The following IHO1 variants were observed in gnomAD, a reference collection of about 807,000 sequenced individuals.
IHO1 encodes interactor of HORMAD1 1, also known as interactor of HORMAD1 protein 1.
Under a neutral mutation model 31.0 loss-of-function variants are expected in IHO1, and 13 were observed. The ratio of observed to expected loss-of-function variants is 0.42; its 90% CI spans 0.27 to 0.67. The LOEUF (loss-of-function observed/expected upper bound fraction) is 0.67, where lower values mean the gene tolerates loss of function less well. Among genes scored for constraint, IHO1 ranks in the 30% least tolerant of loss-of-function variants. The pLI is 0.24. For synonymous variants in IHO1, 221 were observed against 248.4 expected (o/e 0.89, Z 1.04); for missense variants, 599 against 687.5 (o/e 0.87, Z 1.44).
chr3:49,229,170 T>C (rs2107710060), intron 2 of IHO1, among the ~76,000 whole-genome samples: 1 of 152,330 alleles, frequency 6.6e-6, no homozygotes, highest in Middle Eastern at 3.4e-3. Context: ...AGAGCACTGA[T>C]TGGTGCATTT....
At chr3:49,206,821 T>C in intron 1 of IHO1, among the ~76,000 whole-genome samples, 1 of 151,564 alleles carries the variant, frequency 6.6e-6, no homozygotes, top group East Asian at 2.0e-4. Context: ...TCACCTGAGG[T>C]CAGAAGTTCA....
intron 2 of IHO1, among the ~76,000 whole-genome samples, chr3:49,224,306 T>G (rs1436901790): frequency 6.6e-6 from 1 of 151,870 alleles, no homozygotes; most frequent in Non-Finnish European, 1.5e-5. Flanking sequence ...GGCAGCAATT[T>G]TGGCCTCAGC....
upstream of IHO1, among the ~76,000 whole-genome samples, chr3:49,196,868 C>T (rs1276328866): frequency 2.6e-5 from 4 of 151,670 alleles, no homozygotes; most frequent in African/African-American, 7.3e-5. Flanking sequence ...GACGGGGTTT[C>T]GCTGTGTTAG....
chr3:49,199,259 C>T (rs1303636824), upstream of IHO1, among the ~76,000 whole-genome samples: 1 of 152,110 alleles, frequency 6.6e-6, no homozygotes, highest in Non-Finnish European at 1.5e-5. Flanking sequence ...CCACAATCAG[C>T]GCGGTTGAGA....
intron 1 of IHO1, among the ~76,000 whole-genome samples, chr3:49,201,732 C>CAT (rs1298698130): frequency 6.6e-6 from 1 of 152,104 alleles, no homozygotes; most frequent in Admixed American, 6.6e-5. Context: ...GCCTGAGCAA[C>CAT]ATGGTAAACC....
intron 2 of IHO1, among the ~76,000 whole-genome samples, chr3:49,233,149 C>T (rs144252189): frequency 3.1e-4 from 47 of 152,220 alleles, no homozygotes; most frequent in Non-Finnish European, 5.4e-4. Context: ...TCTCAGTCAG[C>T]GTGCCACGGC....
chr3:49,204,860 TA>T (rs886966181), intron 1 of IHO1, among the ~76,000 whole-genome samples: 5 of 150,276 alleles, frequency 3.3e-5, no homozygotes, highest in South Asian at 2.1e-4. Flanking sequence ...CCATCTCTAC[TA>T]AAAAAAAATA....
At chr3:49,243,450 G>A (rs1002176560) in intron 4 of IHO1, among the ~76,000 whole-genome samples, 9 of 151,902 alleles carry the variant, frequency 5.9e-5, no homozygotes, top group African/African-American at 2.2e-4. Flanking sequence ...CAGCCCATGT[G>A]TGAGTCTTTT....
chr3:49,257,346 C>A lies in IHO1; in HGVS notation c.*64C>A. ...GAAATTGCAGGACATTTGGGCTGGC[C>A]AACAGCAGAAAGTCCCTGAAGCCTG... On this transcript the variant is annotated 3_prime_UTR_variant, in exon 8 of 8. Transcript: ENST00000452691. 6.6e-7 allele frequency: 1 copy of A among 1,504,586 alleles called. No individual in the cohort carries two copies. The highest frequency in any genetic ancestry group is 9.1e-7 in the Non-Finnish European group (1 of 1,103,118). The allele number at this position is 1,504,586 out of a possible 1,614,324, so 93.2% of individuals were successfully genotyped here. A position where few individuals can be genotyped will look rare whatever the true frequency, so the allele number is the denominator to read the frequency against.
intron 7 of IHO1, 80 bp downstream of exon 7, chr3:49,255,573 T>G (rs1228887311): frequency 2.3e-5 from 22 of 963,174 alleles, no homozygotes. Flanking sequence ...TTTTTTTTTT[T>G]TTTTTTGAGA....
At chr3:49,235,007 C>T (rs2107716879) in intron 2 of IHO1, among the ~76,000 whole-genome samples, 1 of 151,358 alleles carries the variant, frequency 6.6e-6, no homozygotes, top group South Asian at 2.1e-4. Flanking sequence ...CCACCATACC[C>T]AGCTAATTTT....
chr3:49,216,615 A>T (rs2046289440), intron 2 of IHO1, among the ~76,000 whole-genome samples: 1 of 152,216 alleles, frequency 6.6e-6, no homozygotes, highest in Non-Finnish European at 1.5e-5. Flanking sequence ...CACCAAAAGC[A>T]ATGGCAACAA....
At chr3:49,196,509 G>A (rs1474806486), upstream of IHO1, among the ~76,000 whole-genome samples, 4 of 132,240 alleles carry the variant, frequency 3.0e-5, no homozygotes, top group South Asian at 2.5e-4. Flanking sequence ...TTGAGGTGAA[G>A]TCTTGCTCTG....
chr3:49,194,268 C>CA (rs200253878), upstream of IHO1, among the ~76,000 whole-genome samples: 2,795 of 117,552 alleles, frequency 0.024, 121 homozygotes, highest in African/African-American at 0.089. Flanking sequence ...AACTCTATCT[C>CA]AAAAAAAAAA....
chr3:49,243,261 G>C (rs2046653002), intron 4 of IHO1, among the ~76,000 whole-genome samples: 1 of 152,052 alleles, frequency 6.6e-6, no homozygotes, highest in South Asian at 2.1e-4. Context: ...AAGTGCCCCA[G>C]CCTCCCAAGT....
Position 49,199,533 on chromosome 3 carries a change from G to T in IHO1, c.-56G>T, listed in dbSNP as rs2046026196. 2 of 151,432 alleles carry T rather than the reference G, an allele frequency of 1.3e-5. No individual in the cohort carries two copies. Among genetic ancestry groups the T allele is most frequent in the South Asian group, 4.2e-4 (2 of 4,800 alleles). The allele number at this position is 151,432 out of a possible 1,614,324, so 9.4% of individuals were successfully genotyped here. ...CGGGACGCGGCCACCTCGAAGCCAC[G>T]TCAGGGCAGCCCCAGGTCGGGCGCG... On this transcript the variant is annotated 5_prime_UTR_variant, in exon 1 of 8. Transcript: ENST00000452691.
At chr3:49,191,768 G>A in the IHO1 span, 1 of 1,567,826 alleles carries the variant, frequency 6.4e-7, no homozygotes, top group Admixed American at 1.8e-5. Context: ...AAAGCACTTT[G>A]CATCTTTCCA....
chr3:49,251,451 A>G (rs2107739774), intron 6 of IHO1, among the ~76,000 whole-genome samples: 1 of 150,296 alleles, frequency 6.7e-6, no homozygotes. Flanking sequence ...ATGCCCAGCT[A>G]ATTTTTGTAT....
At chr3:49,231,867 G>T (rs1575578528) in intron 2 of IHO1, among the ~76,000 whole-genome samples, 1 of 152,216 alleles carries the variant, frequency 6.6e-6, no homozygotes, top group Non-Finnish European at 1.5e-5. Context: ...ATCATCCAGC[G>T]ATGCCCAACT....
Sources: allele counts gnomAD v4.1 joint callset (sites outside exome capture counted in the v4.1 genomes callset), GRCh38; gene constraint gnomAD v4.1.1; transcripts MANE v1.5; gene names NCBI Gene and HGNC (gene_info 2026-07-23, HGNC 2026-07-21).